Variants in RABEP2 observed in about 807,000 individuals in gnomAD.
The protein encoded by RABEP2 is rab GTPase-binding effector protein 2.
RABEP2 carries 57 observed loss-of-function variants against 74.1 expected under a neutral mutation model. That is an observed-to-expected ratio of 0.77 (90% CI 0.62 to 0.96). The LOEUF (loss-of-function observed/expected upper bound fraction) is 0.96. Among genes scored for constraint, RABEP2 ranks in the 40% least tolerant of loss-of-function variants. RABEP2 has a pLI of 0.00. For missense variants in RABEP2, 692 were observed against 756.3 expected (o/e 0.91, Z 1.00); for synonymous variants, 351 against 344.0 (o/e 1.02, Z -0.23).
At chr16:28,922,235 T>TG (rs575770821) in intron 2 of RABEP2, among the ~76,000 whole-genome samples, 3 of 152,302 alleles carry the variant, frequency 2.0e-5, no homozygotes, top group Admixed American at 2.0e-4. Flanking sequence ...TGGTAGAACG[T>TG]GGTCATTTTT....
intron 5 of RABEP2, among the ~76,000 whole-genome samples, chr16:28,912,096 A>C (rs1964321604): frequency 1.3e-5 from 2 of 151,886 alleles, no homozygotes; most frequent in Admixed American, 1.3e-4. Context: ...AACACAAAAA[A>C]TTAGCCAGGT....
rs1429297376 is a variant in RABEP2 at position 28,925,180 on chromosome 16, G to C, written c.-17C>G. 1 of 1,526,402 alleles carries C rather than the reference G, an allele frequency of 6.6e-7. No homozygotes were observed. Among genetic ancestry groups the C allele is most frequent in the Non-Finnish European group, 8.7e-7 (1 of 1,142,966 alleles). 94.6% of individuals were successfully genotyped at this position (1,526,402 alleles called of 1,614,324 possible). A position where few individuals can be genotyped will look rare whatever the true frequency, so the allele number is the denominator to read the frequency against. The stretch of plus-strand genomic sequence containing the variant: ...TGCCGCCATTGCCTCAGCGCAAACG[G>C]CGGATTCCCGCACTCCCTGGTGACG... On this transcript the variant is annotated 5_prime_UTR_variant, in exon 1 of 13. Coordinates refer to ENST00000358201, the MANE Select transcript of RABEP2 (RefSeq NM_024816.3).
chr16:28,917,934 T>C (rs1050543124), intron 3 of RABEP2: 2 of 152,236 alleles, frequency 1.3e-5, no homozygotes, highest in African/African-American at 4.8e-5. Context: ...TGTTTCCTTA[T>C]GCATGAAATA....
intron 2 of RABEP2, 55 bp downstream of exon 2, chr16:28,924,348 C>A: frequency 6.5e-7 from 1 of 1,535,698 alleles, no homozygotes; most frequent in South Asian, 1.1e-5. Context: ...CCTTTCTCGT[C>A]ATGCACTCCC....
At position 28,914,377 on chromosome 16, in the gene RABEP2, T is replaced by C. The variant is rs766801703; in HGVS notation, c.753A>G (p.Gln251=). 22 of 1,613,386 alleles carry C rather than the reference T, an allele frequency of 1.4e-5. No homozygotes were observed. Among genetic ancestry groups the C allele is most frequent in the East Asian group, 1.1e-4 (5 of 44,874 alleles). Residue 251 remains glutamine (Q), a synonymous_variant, in exon 5 of 13, where the codon CAA becomes CAG. Coordinates refer to ENST00000358201, the MANE Select transcript of RABEP2 (RefSeq NM_024816.3). ...GGVGSSSSLP[Q]SRQGLSPEQE... ...GTTCAGGGCTCAGGCCCTGGCGGCTTTGGGGCAGGGAGGAGCTGCTGCCGA... is the reference window on the plus strand; with the variant it reads ...GTTCAGGGCTCAGGCCCTGGCGGCTCTGGGGCAGGGAGGAGCTGCTGCCGA...
At chr16:28,916,926 T>G (rs1596701894) in intron 3 of RABEP2, among the ~76,000 whole-genome samples, 2 of 150,462 alleles carry the variant, frequency 1.3e-5, no homozygotes, top group South Asian at 4.2e-4. Flanking sequence ...GGTGCAGAGG[T>G]TGCAATGAGC....
intron 2 of RABEP2, among the ~76,000 whole-genome samples, chr16:28,921,580 C>T (rs1002018067): frequency 5.3e-5 from 8 of 150,618 alleles, no homozygotes; most frequent in Non-Finnish European, 7.4e-5. Flanking sequence ...TTGAATGTGA[C>T]GCCAAGAGGT....
chr16:28,905,534 C>G (rs1292233153), intron 11 of RABEP2, 21 bp from the exon 12 acceptor site: 12 of 1,604,540 alleles, frequency 7.5e-6, no homozygotes, highest in African/African-American at 1.3e-5. Flanking sequence ...AGACACCACA[C>G]TGAGCTGGGC....
At chr16:28,914,177 G>T in intron 5 of RABEP2, 59 bp downstream of exon 5, 2 of 1,400,620 alleles carry the variant, frequency 1.4e-6, no homozygotes, top group African/African-American at 1.4e-5. Flanking sequence ...GGTGGTGCGG[G>T]GGAAGCATCC....
chr16:28,905,835 G>A (rs1352664909), intron 10 of RABEP2, 32 bp downstream of exon 10: 9 of 1,613,936 alleles, frequency 5.6e-6, no homozygotes, highest in Admixed American at 1.7e-5. Flanking sequence ...CAGGGTGGGC[G>A]ATCCCCAAGA....
intron 5 of RABEP2, among the ~76,000 whole-genome samples, 157 bp downstream of exon 5, chr16:28,914,079 T>C (rs977179416): frequency 1.3e-5 from 2 of 152,030 alleles, no homozygotes; most frequent in Non-Finnish European, 2.9e-5. Context: ...CTGGCCCCTA[T>C]GCATGTTTAC....
At chr16:28,916,569 G>A (rs1964395815) in intron 3 of RABEP2, among the ~76,000 whole-genome samples, 1 of 151,530 alleles carries the variant, frequency 6.6e-6, no homozygotes, top group South Asian at 2.1e-4. Context: ...TACTCAGGGA[G>A]GCTGAGTCAC....
In RABEP2 at chr16:28,905,009, C is replaced by T. The variant is rs1567494031; in HGVS notation, c.1644G>A (p.Leu548=). 2 of 1,611,242 alleles carry T rather than the reference C, an allele frequency of 1.2e-6. No homozygotes were observed. Among genetic ancestry groups the T allele is most frequent in the Non-Finnish European group, 1.7e-6 (2 of 1,179,764 alleles). The change falls in exon 13 of 13, where the codon CTG becomes CTA. Residue 548 remains leucine (L), a synonymous_variant. Coordinates refer to ENST00000358201, the MANE Select transcript of RABEP2 (RefSeq NM_024816.3). ...RLERIRQAET[L]EQVRSIMDEA... is the part of the protein sequence containing the mutation. Reference sequence around the variant, plus strand: ...CATCCATGATGCTGCGCACTTGCTCCAGGGTCTCAGCCTGGCGGATCCGCT... The same window carrying T: ...CATCCATGATGCTGCGCACTTGCTCTAGGGTCTCAGCCTGGCGGATCCGCT...
Position 28,924,480 on chromosome 16 carries a change from C to A in RABEP2, c.197G>T (p.Ser66Ile), listed in dbSNP as rs890456110. ...TMKAVAEVSE[S>I]TKAEAVAAVQ... ...CGCAGCCACAGCCTCGGCCTTCGTG[C>A]TCTCGCTCACCTCTGCCACAGCCTT... The change falls in exon 2 of 13, where the codon AGC becomes ATC. Residue 66 changes from serine to isoleucine, a missense_variant. Coordinates refer to ENST00000358201, the MANE Select transcript of RABEP2 (RefSeq NM_024816.3). The A allele has an allele frequency of 6.2e-7, 1 of 1,614,062 alleles. No homozygotes were observed. Among genetic ancestry groups the A allele is most frequent in the Non-Finnish European group, 8.5e-7 (1 of 1,180,024 alleles).
chr16:28,924,196 G>T (rs991143161), intron 2 of RABEP2: 5 of 588,532 alleles, frequency 8.5e-6, no homozygotes, highest in Non-Finnish European at 3.0e-6. Context: ...GCTAAACTTA[G>T]CTATAACTGA....
chr16:28,905,038 G>A lies in RABEP2; in HGVS notation c.1615C>T (p.Leu539=). 1 of 1,604,354 alleles carries A rather than the reference G, an allele frequency of 6.2e-7. No homozygotes were observed. The highest frequency in any genetic ancestry group is 8.5e-7 in the Non-Finnish European group (1 of 1,178,008). Residue 539 remains leucine (L), a synonymous_variant, in exon 13 of 13, where the codon CTA becomes TTA. Transcript: ENST00000358201. The part of the protein sequence containing the change: ...VRLSQALQVR[L]ERIRQAETLE... ...GTCTCAGCCTGGCGGATCCGCTCTA[G>A]GCGCACCTGCCGGATCGGACGAGGG... is the stretch of plus-strand genomic sequence containing the variant.
In RABEP2 at chr16:28,923,804, C is replaced by T. The variant is rs190787212; in HGVS notation, c.274+599G>A. The stretch of plus-strand genomic sequence containing the variant: ...GTCCAGGAGAGAGTTGACGAGAGCC[C>T]CACCGCAGCAGGGGCATAGCAGCGG... On this transcript the variant is annotated intron_variant, in intron 2 of 12. Coordinates refer to ENST00000358201, the MANE Select transcript of RABEP2 (RefSeq NM_024816.3). Among the ~76,000 whole-genome samples, 785 of 152,306 alleles carry T rather than the reference C, an allele frequency of 5.2e-3. 6 individuals are homozygous for T. Among genetic ancestry groups the T allele is most frequent in the Non-Finnish European group, 8.1e-3 (550 of 68,032 alleles).
chr16:28,915,453 A>C (rs1964378841), intron 3 of RABEP2, among the ~76,000 whole-genome samples: 1 of 152,114 alleles, frequency 6.6e-6, no homozygotes, highest in Non-Finnish European at 1.5e-5. Context: ...CTTCCTTGCA[A>C]CTAAACAGAT....
In RABEP2 at chr16:28,906,035, C is replaced by T; in HGVS notation, c.1407G>A (p.Val469=). The T allele has an allele frequency of 6.2e-7, 1 of 1,605,094 alleles. No homozygotes were observed. Among genetic ancestry groups the T allele is most frequent in the Non-Finnish European group, 8.5e-7 (1 of 1,176,528 alleles). ...ARASLEGQLR[V]QREETEVLEA... is the part of the protein sequence containing the mutation. Reference sequence around the variant, plus strand: ...TCCCCTCACCTGTCTCCTCCCGCTGCACCCTCAGCTGCCCCTCCAGGCTGG... The same window carrying T: ...TCCCCTCACCTGTCTCCTCCCGCTGTACCCTCAGCTGCCCCTCCAGGCTGG... The change falls in exon 9 of 13, where the codon GTG becomes GTA. Residue 469 remains valine, a synonymous_variant. Transcript: ENST00000358201.
Sources: allele counts gnomAD v4.1 joint callset (sites outside exome capture counted in the v4.1 genomes callset), GRCh38; gene constraint gnomAD v4.1.1; transcripts MANE v1.5; gene names NCBI Gene and HGNC (gene_info 2026-07-23, HGNC 2026-07-21).